PTK2: variants seen among roughly 807,000 people sequenced by gnomAD.
PTK2 encodes the protein focal adhesion kinase 1.
In PTK2, 45 loss-of-function variants were observed where a neutral mutation model predicts 150.1. The ratio of observed to expected loss-of-function variants is 0.30; its 90% CI spans 0.24 to 0.38. PTK2 has a LOEUF of 0.38. Among genes scored for constraint, PTK2 ranks in the 10% least tolerant of loss-of-function variants. The pLI, the probability that PTK2 is intolerant of heterozygous loss-of-function variation, is 1.00. For missense variants in PTK2, 919 were observed against 1,307.3 expected (o/e 0.70, Z 4.58); for synonymous variants, 432 against 449.2 (o/e 0.96, Z 0.48).
intron 3 of PTK2, among the ~76,000 whole-genome samples, chr8:140,885,022 G>A (rs1023297691): frequency 2.0e-5 from 3 of 152,124 alleles, no homozygotes; most frequent in Non-Finnish European, 4.4e-5. Flanking sequence ...GGTTTTGAAT[G>A]GGATAAGAAT....
At chr8:140,931,928 C>CAAAAA (rs765792463) in intron 1 of PTK2, among the ~76,000 whole-genome samples, 7 of 54,628 alleles carry the variant, frequency 1.3e-4, no homozygotes, top group African/African-American at 5.0e-4. Flanking sequence ...GACCCAGTCT[C>CAAAAA]AAAAAAAAAA....
intron 16 of PTK2, among the ~76,000 whole-genome samples, chr8:140,754,592 T>G (rs938001727): frequency 1.3e-5 from 2 of 152,232 alleles, no homozygotes; most frequent in Admixed American, 6.5e-5. Flanking sequence ...AAATACTCAG[T>G]AAACATGGTG....
At chr8:140,792,892 G>A (rs910903199) in intron 13 of PTK2, among the ~76,000 whole-genome samples, 3 of 152,180 alleles carry the variant, frequency 2.0e-5, no homozygotes, top group Non-Finnish European at 2.9e-5. Context: ...CAAATTGGCT[G>A]AGAATATAAA....
At chr8:140,659,902 C>T (rs1455690096) in intron 31 of PTK2, among the ~76,000 whole-genome samples, 3 of 152,070 alleles carry the variant, frequency 2.0e-5, no homozygotes, top group Non-Finnish European at 2.9e-5. Context: ...TTCAGTGCCT[C>T]CATGAGAAGA....
Position 140,777,947 on chromosome 8 carries a change from C to T in PTK2, c.1177+11527G>A, listed in dbSNP as rs117879649. Among the ~76,000 whole-genome samples the T allele has an allele frequency of 3.3e-5, 5 of 152,338 alleles. No individual in the cohort carries two copies. The East Asian group carries it at 9.6e-4, about 29-fold the overall frequency. ...TCCCATGCCTTCAACTGCCCTGCTC[C>T]TCTATCCCATAAATATCCCTAAAAC... On this transcript the variant is annotated intron_variant, in intron 14 of 31. Coordinates refer to ENST00000522684, the Ensembl canonical transcript of PTK2.
intron 1 of PTK2, among the ~76,000 whole-genome samples, chr8:140,992,550 C>T (rs1478580518): frequency 6.6e-6 from 1 of 152,200 alleles, no homozygotes; most frequent in East Asian, 1.9e-4. Context: ...GGCCTCAGCA[C>T]TTGCATTTCT....
chr8:140,680,039 G>A (rs2100016140), intron 27 of PTK2, among the ~76,000 whole-genome samples: 1 of 152,188 alleles, frequency 6.6e-6, no homozygotes, highest in African/African-American at 2.4e-5. Context: ...TTTTCTCTGA[G>A]TCCTGGTCTA....
intron 1 of PTK2, among the ~76,000 whole-genome samples, chr8:140,944,131 G>GT (rs1358836339): frequency 1.3e-5 from 2 of 152,152 alleles, no homozygotes; most frequent in African/African-American, 4.8e-5. Flanking sequence ...TTCTCTGAAG[G>GT]TAAGATCCTA....
At chr8:140,840,874 T>G (rs2100121938) in intron 7 of PTK2, among the ~76,000 whole-genome samples, 1 of 152,022 alleles carries the variant, frequency 6.6e-6, no homozygotes, top group African/African-American at 2.4e-5. Flanking sequence ...CCTGAAAGTA[T>G]AAGGACACAG....
intron 1 of PTK2, among the ~76,000 whole-genome samples, chr8:140,959,577 G>A (rs1018741360): frequency 1.2e-4 from 18 of 148,676 alleles, no homozygotes; most frequent in African/African-American, 4.2e-4. Context: ...AGAGTGATCC[G>A]TTCCCCTCAG....
chr8:140,660,531 C>G, intron 31 of PTK2: 1 of 442,794 alleles, frequency 2.3e-6, no homozygotes. Flanking sequence ...TGAGGCCAGC[C>G]TGGGCAACAT....
chr8:140,874,330 A>G (rs1303268451), intron 4 of PTK2, among the ~76,000 whole-genome samples: 1 of 152,188 alleles, frequency 6.6e-6, no homozygotes, highest in Admixed American at 6.5e-5. Context: ...CAAAAGAACA[A>G]GCTATGTCCA....
chr8:140,920,848 G>A (rs1293441724), intron 2 of PTK2: 22 of 1,526,676 alleles, frequency 1.4e-5, no homozygotes, highest in South Asian at 4.8e-5. Context: ...GACTACATCC[G>A]CTTTTCTCCA....
intron 14 of PTK2, among the ~76,000 whole-genome samples, chr8:140,775,973 A>G (rs965793756): frequency 6.6e-5 from 10 of 152,196 alleles, no homozygotes; most frequent in African/African-American, 2.4e-4. Flanking sequence ...GGAATCTGTG[A>G]TATAAAGAAC....
In PTK2 at chr8:140,706,222, G is replaced by A; in HGVS notation, c.2143-17C>T. 2 of 1,584,312 alleles carry A rather than the reference G, an allele frequency of 1.3e-6. No homozygotes were observed. Among genetic ancestry groups the A allele is most frequent in the Non-Finnish European group, 1.7e-6 (2 of 1,153,738 alleles). ...TCTGCTGGGCTGTAAAATCAAGAGA[G>A]CATCATATGAATGAACCTTTTGATT... On this transcript the variant is annotated splice_polypyrimidine_tract_variant and intron_variant, in intron 23 of 31. Coordinates refer to ENST00000522684, the Ensembl canonical transcript of PTK2.
chr8:140,724,916 T>C (rs2100044891), intron 22 of PTK2, among the ~76,000 whole-genome samples: 1 of 152,248 alleles, frequency 6.6e-6, no homozygotes, highest in African/African-American at 2.4e-5. Flanking sequence ...TGCTTATGCC[T>C]CTGCTCTTTT....
At chr8:140,997,938 C>CA (rs200164324) in intron 1 of PTK2, among the ~76,000 whole-genome samples, 67 of 151,854 alleles carry the variant, frequency 4.4e-4, no homozygotes, top group East Asian at 3.5e-3. Flanking sequence ...GACCTTGTCT[C>CA]AAAAAAAAGA....
intron 1 of PTK2, among the ~76,000 whole-genome samples, chr8:140,963,242 A>G (rs1039823949): frequency 2.0e-5 from 3 of 152,310 alleles, no homozygotes; most frequent in South Asian, 2.1e-4. Context: ...ACTCTGTGCT[A>G]AGAGTCTTAG....
intron 29 of PTK2, among the ~76,000 whole-genome samples, chr8:140,672,322 A>C (rs2095654567): frequency 6.6e-6 from 1 of 152,108 alleles, no homozygotes; most frequent in Non-Finnish European, 1.5e-5. Flanking sequence ...GAGGTGCGCC[A>C]CCATGTCTGG....
Sources: allele counts gnomAD v4.1 joint callset (sites outside exome capture counted in the v4.1 genomes callset), GRCh38; gene constraint gnomAD v4.1.1; transcripts MANE v1.5; gene names NCBI Gene and HGNC (gene_info 2026-07-23, HGNC 2026-07-21).